The following DTWD2 variants were observed in gnomAD, a reference collection of about 807,000 sequenced individuals.
DTWD2 encodes the protein tRNA-uridine aminocarboxypropyltransferase 2.
DTWD2 carries 39 observed loss-of-function variants against 31.8 expected under a neutral mutation model. The ratio of observed to expected loss-of-function variants is 1.22; its 90% CI spans 0.95 to 1.60. The LOEUF (loss-of-function observed/expected upper bound fraction) is 1.60, where lower values mean the gene tolerates loss of function less well. DTWD2 is among the 40% of genes most tolerant of loss of function. The pLI, the probability that DTWD2 is intolerant of heterozygous loss-of-function variation, is 0.00. For missense variants in DTWD2, 515 were observed against 381.5 expected, an observed-to-expected ratio of 1.35 and a Z score of -2.92; for synonymous variants, 180 against 142.8, an observed-to-expected ratio of 1.26 and a Z score of -1.86.
At chr5:118,916,549 C>A (rs1208583833) in intron 4 of DTWD2, among the ~76,000 whole-genome samples, 1 of 151,694 alleles carries the variant, frequency 6.6e-6, no homozygotes, top group Non-Finnish European at 1.5e-5. Flanking sequence ...CCTGTAATCC[C>A]AGCTACTTGG....
intron 4 of DTWD2, among the ~76,000 whole-genome samples, chr5:118,903,253 A>AAACT (rs1289553697): frequency 6.6e-6 from 1 of 152,026 alleles, no homozygotes; most frequent in Non-Finnish European, 1.5e-5. Flanking sequence ...GGAAAACTAT[A>AAACT]AACTGCTACA....
chr5:118,875,725 G>A (rs1455091050), intron 4 of DTWD2, among the ~76,000 whole-genome samples: 1 of 152,268 alleles, frequency 6.6e-6, no homozygotes, highest in South Asian at 2.1e-4. Context: ...CAAGTTCTCA[G>A]AGACCTTCAA....
At chr5:118,884,713 C>A (rs888650551) in intron 4 of DTWD2, among the ~76,000 whole-genome samples, 2 of 152,074 alleles carry the variant, frequency 1.3e-5, no homozygotes, top group Admixed American at 1.3e-4. Context: ...TTTTAAAAAC[C>A]TTCCAGGTTG....
At chr5:118,877,485 AT>A (rs1286590684) in intron 4 of DTWD2, among the ~76,000 whole-genome samples, 2 of 152,046 alleles carry the variant, frequency 1.3e-5, no homozygotes, top group Non-Finnish European at 2.9e-5. Flanking sequence ...AATAAAAAAA[AT>A]AAAAAAAATA....
intron 4 of DTWD2, among the ~76,000 whole-genome samples, chr5:118,856,906 G>A (rs1320384516): frequency 1.3e-5 from 2 of 150,678 alleles, no homozygotes; most frequent in African/African-American, 4.9e-5. Flanking sequence ...CCAAGTAGCT[G>A]AGATTACAGG....
chr5:118,897,367 G>C (rs1753107236), intron 4 of DTWD2, among the ~76,000 whole-genome samples: 1 of 152,184 alleles, frequency 6.6e-6, no homozygotes, highest in Non-Finnish European at 1.5e-5. Flanking sequence ...AGGTTTACTG[G>C]AGGTTAGTCA....
intron 1 of DTWD2, among the ~76,000 whole-genome samples, chr5:118,952,083 G>C (rs1228007144): frequency 6.6e-6 from 1 of 152,202 alleles, no homozygotes; most frequent in African/African-American, 2.4e-5. Flanking sequence ...TTGAGGGATA[G>C]TGAGAGGACA....
chr5:118,974,060 G>A (rs1755067321), intron 1 of DTWD2: 5 of 1,606,180 alleles, frequency 3.1e-6, no homozygotes, highest in Non-Finnish European at 4.3e-6. Context: ...GGGCAAGCGG[G>A]CAGCTGAAGA....
At position 118,903,603 on chromosome 5, in the gene DTWD2, G is replaced by A. The variant is rs189681037; in HGVS notation, c.597+24934C>T. On this transcript the variant is annotated intron_variant, in intron 4 of 5. Coordinates refer to ENST00000510708, the MANE Select transcript of DTWD2 (RefSeq NM_173666.4). ...GCAGAATTTTCAAGGAGAATACTAG[G>A]ATCTCTAAATCTCTAGCTAACATGT... is the stretch of plus-strand genomic sequence containing the variant. Among the ~76,000 whole-genome samples the A allele has an allele frequency of 7.7e-3, 1,168 of 151,976 alleles. 3 individuals carry two copies. Among genetic ancestry groups the A allele is most frequent in the Non-Finnish European group, 0.012 (843 of 67,852 alleles).
intron 1 of DTWD2, among the ~76,000 whole-genome samples, chr5:118,952,618 C>T (rs1386863700): frequency 6.6e-6 from 1 of 152,160 alleles, no homozygotes; most frequent in Non-Finnish European, 1.5e-5. Flanking sequence ...TGGATGTAAA[C>T]ATGCAGGCTT....
intron 3 of DTWD2, among the ~76,000 whole-genome samples, chr5:118,936,730 G>C (rs987681867): frequency 1.3e-5 from 2 of 151,488 alleles, no homozygotes; most frequent in Non-Finnish European, 2.9e-5. Context: ...AGAAAAAAGA[G>C]AAATTAAATC....
chr5:118,958,753 T>C (rs1754645644), intron 1 of DTWD2, among the ~76,000 whole-genome samples: 1 of 152,124 alleles, frequency 6.6e-6, no homozygotes, highest in Non-Finnish European at 1.5e-5. Flanking sequence ...TTCACTGCAA[T>C]CTGATCAAGT....
Position 118,878,660 on chromosome 5 carries a change from A to G in DTWD2, c.598-30442T>C, listed in dbSNP as rs181803840. Among the ~76,000 whole-genome samples, 11 of 152,314 alleles carry G rather than the reference A, an allele frequency of 7.2e-5. No homozygotes were observed. In the East Asian group the frequency reaches 1.7e-3, roughly 24 times the overall value. On this transcript the variant is annotated intron_variant, in intron 4 of 5. Coordinates refer to ENST00000510708, the MANE Select transcript of DTWD2 (RefSeq NM_173666.4). The stretch of plus-strand genomic sequence containing the variant: ...ATTGCAACAAAAGCAAAAATTGACA[A>G]ATGGGATCTAATTAAACTGAAGAGT...
At chr5:118,909,136 T>A (rs1343534361) in intron 4 of DTWD2, among the ~76,000 whole-genome samples, 1 of 152,144 alleles carries the variant, frequency 6.6e-6, no homozygotes. Context: ...TCCACCCAGA[T>A]CAATGGGGAG....
intron 4 of DTWD2, among the ~76,000 whole-genome samples, chr5:118,857,107 G>T (rs942678571): frequency 4.0e-5 from 6 of 151,762 alleles, no homozygotes; most frequent in African/African-American, 1.5e-4. Context: ...TGTTATAAAC[G>T]AAGAAATGTA....
At chr5:118,896,500 A>T (rs1162259889) in intron 4 of DTWD2, among the ~76,000 whole-genome samples, 1 of 152,190 alleles carries the variant, frequency 6.6e-6, no homozygotes, top group Non-Finnish European at 1.5e-5. Context: ...TACAAACATA[A>T]GAGCCAAAAA....
chr5:118,857,394 G>C (rs1486370663), intron 4 of DTWD2, among the ~76,000 whole-genome samples: 3 of 152,040 alleles, frequency 2.0e-5, no homozygotes, highest in Non-Finnish European at 4.4e-5. Flanking sequence ...CATATGTTGG[G>C]GGTTTTTTGC....
chr5:118,905,808 T>C (rs760805629), intron 4 of DTWD2, among the ~76,000 whole-genome samples: 1 of 152,188 alleles, frequency 6.6e-6, no homozygotes. Flanking sequence ...TAAAATGAGC[T>C]AACTAATCTG....
chr5:118,867,798 A>G (rs969875948), intron 4 of DTWD2, among the ~76,000 whole-genome samples: 28 of 152,318 alleles, frequency 1.8e-4, no homozygotes, highest in Middle Eastern at 3.4e-3. Context: ...AAAATACCCC[A>G]TGTTCATGGG....
Sources: allele counts gnomAD v4.1 joint callset (sites outside exome capture counted in the v4.1 genomes callset), GRCh38; gene constraint gnomAD v4.1.1; transcripts MANE v1.5; gene names NCBI Gene and HGNC (gene_info 2026-07-23, HGNC 2026-07-21).